The following TRDN variants were observed in gnomAD, a reference collection of about 807,000 sequenced individuals.
TRDN encodes triadin in skeletal muscle.
A neutral mutation model predicts 149.7 loss-of-function variants in TRDN; 161 were observed. The ratio of observed to expected loss-of-function variants is 1.08; its 90% CI spans 0.95 to 1.23. The LOEUF (loss-of-function observed/expected upper bound fraction) is 1.23. TRDN is among the 50% of genes most tolerant of loss of function. The pLI, the probability that TRDN is intolerant of heterozygous loss-of-function variation, is 0.00. For synonymous variants in TRDN, 294 were observed against 250.5 expected (o/e 1.17, Z -1.64); for missense variants, 896 against 823.5 (o/e 1.09, Z -1.08).
intron 24 of TRDN, among the ~76,000 whole-genome samples, chr6:123,291,279 T>A (rs1248432980): frequency 6.6e-6 from 1 of 152,058 alleles, no homozygotes; most frequent in African/African-American, 2.4e-5. Context: ...AAAGAGGTAG[T>A]ATAGGCTGGG....
At chr6:123,426,829 G>T (rs542878516) in intron 12 of TRDN, among the ~76,000 whole-genome samples, 1 of 152,060 alleles carries the variant, frequency 6.6e-6, no homozygotes, top group Non-Finnish European at 1.5e-5. Flanking sequence ...ATTATTTTTT[G>T]AAAAATACTG....
At chr6:123,555,808 T>G (rs1243573546) in intron 2 of TRDN, among the ~76,000 whole-genome samples, 1 of 152,186 alleles carries the variant, frequency 6.6e-6, no homozygotes, top group African/African-American at 2.4e-5. Flanking sequence ...GATAGCAATT[T>G]GAGAGGAACA....
chr6:123,556,594 T>TTCC (rs202215817), intron 2 of TRDN, among the ~76,000 whole-genome samples: 2,145 of 150,708 alleles, frequency 0.014, 41 homozygotes, highest in African/African-American at 0.048. Context: ...CTTTCTCTTC[T>TTCC]TCCTCCTCCT....
rs116027133 is a variant in TRDN at position 123,600,706 on chromosome 6, T to A, written c.23-29574A>T. The stretch of plus-strand genomic sequence containing the variant: ...CCAAAAATATTGACCGCTCTGGTTA[T>A]ACAGCAGTTGGAGAGGCAGTAGAAC... On this transcript the variant is annotated intron_variant, in intron 1 of 40. Coordinates refer to ENST00000334268, the MANE Select transcript of TRDN (RefSeq NM_006073.4). 9.5e-3 allele frequency among the ~76,000 whole-genome samples: 1,439 copies of A among 152,182 alleles called. 23 individuals are homozygous for A. Among genetic ancestry groups the A allele is most frequent in the African/African-American group, 0.033 (1,375 of 41,528 alleles).
Position 123,599,429 on chromosome 6 carries a change from A to G in TRDN, c.23-28297T>C, listed in dbSNP as rs1407236820. On this transcript the variant is annotated intron_variant, in intron 1 of 40. Coordinates refer to ENST00000334268, the MANE Select transcript of TRDN (RefSeq NM_006073.4). ...GCAATAAAGCCATGAGATGTAAATAATTCAGAAATTTATTTCTTCAACCAA... is the reference window on the plus strand; with the variant it reads ...GCAATAAAGCCATGAGATGTAAATAGTTCAGAAATTTATTTCTTCAACCAA... Among the ~76,000 whole-genome samples, 4 of 152,112 alleles carry G rather than the reference A, an allele frequency of 2.6e-5. No homozygotes were observed. In the East Asian group the frequency reaches 7.7e-4, roughly 29 times the overall value.
chr6:123,610,050 A>G (rs1784722980), intron 1 of TRDN, among the ~76,000 whole-genome samples: 2 of 152,194 alleles, frequency 1.3e-5, no homozygotes, highest in South Asian at 2.1e-4. Context: ...AACAACCACA[A>G]GTGATTTCAA....
chr6:123,437,028 T>C (rs1198410519), intron 12 of TRDN, among the ~76,000 whole-genome samples: 3 of 152,128 alleles, frequency 2.0e-5, no homozygotes, highest in Non-Finnish European at 4.4e-5. Flanking sequence ...CTTTTCCATG[T>C]AAACTTAAGC....
At chr6:123,253,059 AAAAT>A (rs1473178835) in intron 37 of TRDN, among the ~76,000 whole-genome samples, 4 of 152,100 alleles carry the variant, frequency 2.6e-5, no homozygotes, top group Non-Finnish European at 4.4e-5. Context: ...AAAGATAGAT[AAAAT>A]AAATAATTAC....
chr6:123,312,485 G>A (rs1778863644), intron 24 of TRDN, among the ~76,000 whole-genome samples: 1 of 151,738 alleles, frequency 6.6e-6, no homozygotes, highest in Admixed American at 6.6e-5. Flanking sequence ...TTTGTTGTAG[G>A]AATACAGCAT....
intron 12 of TRDN, among the ~76,000 whole-genome samples, chr6:123,421,295 TC>T (rs1773887724): frequency 6.6e-6 from 1 of 152,214 alleles, no homozygotes; most frequent in African/African-American, 2.4e-5. Flanking sequence ...GATATAACTT[TC>T]TAACTACTAT....
At chr6:123,242,849 A>T (rs891524744) in intron 38 of TRDN, among the ~76,000 whole-genome samples, 4 of 152,058 alleles carry the variant, frequency 2.6e-5, no homozygotes, top group African/African-American at 9.7e-5. Context: ...CTCAAGATTA[A>T]CATGGAGAGC....
At chr6:123,307,553 ATAAAC>A (rs1382709058) in intron 24 of TRDN, among the ~76,000 whole-genome samples, 1 of 151,946 alleles carries the variant, frequency 6.6e-6, no homozygotes, top group African/African-American at 2.4e-5. Flanking sequence ...TTTAATTCCT[ATAAAC>A]TAATTTCTGT....
chr6:123,346,977 G>A (rs528461227), intron 21 of TRDN, among the ~76,000 whole-genome samples: 104 of 60,464 alleles, frequency 1.7e-3, no homozygotes, highest in African/African-American at 6.7e-3. Flanking sequence ...AATTAGAAAG[G>A]CATTTCAAAC....
At chr6:123,553,215 T>C (rs1190448217) in intron 2 of TRDN, among the ~76,000 whole-genome samples, 1 of 152,088 alleles carries the variant, frequency 6.6e-6, no homozygotes, top group African/African-American at 2.4e-5. Flanking sequence ...GATCTCAGTT[T>C]CTCCCAAACT....
intron 10 of TRDN, among the ~76,000 whole-genome samples, chr6:123,446,548 G>A (rs2114633181): frequency 7.6e-6 from 1 of 131,334 alleles, no homozygotes; most frequent in South Asian, 2.5e-4. Context: ...TTGTGCCACT[G>A]CACTCCAGTC....
At chr6:123,297,175 G>A (rs1001822330) in intron 24 of TRDN, among the ~76,000 whole-genome samples, 9 of 151,820 alleles carry the variant, frequency 5.9e-5, no homozygotes, top group African/African-American at 1.9e-4. Context: ...TTTTTTTGAG[G>A]CTGCACTACA....
chr6:123,528,911 G>T, intron 5 of TRDN: 1 of 1,070,486 alleles, frequency 9.3e-7, no homozygotes, highest in South Asian at 3.6e-5. Context: ...AACATATTTG[G>T]TCTACTCAAG....
At chr6:123,559,504 C>G (rs1305633229) in intron 2 of TRDN, among the ~76,000 whole-genome samples, 1 of 151,978 alleles carries the variant, frequency 6.6e-6, no homozygotes, top group Non-Finnish European at 1.5e-5. Context: ...CTCTTGTATT[C>G]CCCCCACTTA....
intron 31 of TRDN, among the ~76,000 whole-genome samples, chr6:123,269,163 C>T (rs1225114636): frequency 6.6e-6 from 1 of 151,968 alleles, no homozygotes; most frequent in Non-Finnish European, 1.5e-5. Context: ...TTTGCTACCA[C>T]AGTGGGTAAA....
Sources: allele counts gnomAD v4.1 joint callset (sites outside exome capture counted in the v4.1 genomes callset), GRCh38; gene constraint gnomAD v4.1.1; transcripts MANE v1.5; gene names NCBI Gene and HGNC (gene_info 2026-07-23, HGNC 2026-07-21).